KCNIP1: variants seen among roughly 807,000 people sequenced by gnomAD.
The protein encoded by KCNIP1 is A-type potassium channel modulatory protein KCNIP1.
KCNIP1 carries 18 observed loss-of-function variants against 33.0 expected under a neutral mutation model. The ratio of observed to expected loss-of-function variants is 0.55; its 90% CI spans 0.38 to 0.81. The LOEUF is 0.81. KCNIP1 is among the 30% of genes least tolerant of loss of function. The pLI, the probability that KCNIP1 is intolerant of heterozygous loss-of-function variation, is 0.00. For synonymous variants in KCNIP1, 93 were observed against 98.3 expected (o/e 0.95, Z 0.32); for missense variants, 238 against 271.6 (o/e 0.88, Z 0.87).
At chr5:170,392,642 G>A (rs1240418118) in intron 1 of KCNIP1, among the ~76,000 whole-genome samples, 1 of 152,196 alleles carries the variant, frequency 6.6e-6, no homozygotes, top group Middle Eastern at 3.2e-3. Context: ...GGCCAACATG[G>A]CGAAACCCCG....
At chr5:170,721,419 G>A (rs1763819693) in intron 3 of KCNIP1, among the ~76,000 whole-genome samples, 1 of 152,154 alleles carries the variant, frequency 6.6e-6, no homozygotes, top group Non-Finnish European at 1.5e-5. Context: ...GCTCAGAGAG[G>A]TCGTGCTTGA....
chr5:170,461,977 G>A (rs1756511993), intron 1 of KCNIP1, among the ~76,000 whole-genome samples: 1 of 152,042 alleles, frequency 6.6e-6, no homozygotes, highest in South Asian at 2.1e-4. Flanking sequence ...GATGGATCAA[G>A]GGCTTAAATC....
At chr5:170,690,475 T>C (rs971527822) in intron 1 of KCNIP1, among the ~76,000 whole-genome samples, 18 of 152,264 alleles carry the variant, frequency 1.2e-4, no homozygotes, top group African/African-American at 4.3e-4. Context: ...TTTCAGAGAA[T>C]ATCCCAAGAA....
chr5:170,555,653 G>C (rs1214064296), intron 1 of KCNIP1, among the ~76,000 whole-genome samples: 1 of 152,160 alleles, frequency 6.6e-6, no homozygotes, highest in Non-Finnish European at 1.5e-5. Flanking sequence ...GCCATGTCAG[G>C]AGCAAGTGCT....
intron 1 of KCNIP1, among the ~76,000 whole-genome samples, chr5:170,359,364 A>G (rs1763439815): frequency 6.6e-6 from 1 of 152,184 alleles, no homozygotes; most frequent in Non-Finnish European, 1.5e-5. Context: ...AAGCCTTCAC[A>G]CTGGGGACTT....
intron 1 of KCNIP1, among the ~76,000 whole-genome samples, chr5:170,508,897 C>G (rs902983487): frequency 6.6e-6 from 1 of 152,134 alleles, no homozygotes; most frequent in Non-Finnish European, 1.5e-5. Flanking sequence ...AGACAATCAA[C>G]GGAGGTGTTA....
At chr5:170,361,761 G>C (rs1002342673) in intron 1 of KCNIP1, among the ~76,000 whole-genome samples, 5 of 152,164 alleles carry the variant, frequency 3.3e-5, no homozygotes, top group Non-Finnish European at 7.3e-5. Flanking sequence ...GTATTCTGAC[G>C]TGGAGGAAAG....
At chr5:170,628,641 C>T (rs922970074) in intron 1 of KCNIP1, among the ~76,000 whole-genome samples, 1 of 152,192 alleles carries the variant, frequency 6.6e-6, no homozygotes, top group Non-Finnish European at 1.5e-5. Flanking sequence ...GCATGGGGTA[C>T]TCACTATGCC....
Position 170,489,066 on chromosome 5 carries a change from G to T in KCNIP1, c.88+135102G>T, listed in dbSNP as rs942239608. On this transcript the variant is annotated intron_variant, in intron 1 of 7. Coordinates refer to the KCNIP1 transcript ENST00000377360. The surrounding 1 kb of genome is among the most constrained non-coding windows in gnomAD (Gnocchi z 4.3). ...CAGAAGGAAGATTTCATTAGTGTTAGAGAGGAAGGATGTGCCTTCTCCCCC... is the reference window on the plus strand; with the variant it reads ...CAGAAGGAAGATTTCATTAGTGTTATAGAGGAAGGATGTGCCTTCTCCCCC... Among the ~76,000 whole-genome samples the T allele has an allele frequency of 7.9e-5, 12 of 151,360 alleles. No homozygotes were observed. The highest frequency in any genetic ancestry group is 1.3e-4 in the Admixed American group (2 of 15,228).
At chr5:170,722,629 G>C (rs1185259569) in intron 4 of KCNIP1, 84 bp from the exon 5 acceptor site, 10 of 897,340 alleles carry the variant, frequency 1.1e-5, no homozygotes, top group Non-Finnish European at 1.7e-5. Flanking sequence ...TTCTGTGAGA[G>C]TATCACAGTC....
At chr5:170,657,681 A>G (rs916970925) in intron 1 of KCNIP1, among the ~76,000 whole-genome samples, 1 of 152,228 alleles carries the variant, frequency 6.6e-6, no homozygotes, top group African/African-American at 2.4e-5. Context: ...TTGGTTAAAA[A>G]GAGTGAGACA....
chr5:170,388,728 G>C (rs1764588060), intron 1 of KCNIP1, among the ~76,000 whole-genome samples: 1 of 152,262 alleles, frequency 6.6e-6, no homozygotes, highest in East Asian at 1.9e-4. Context: ...TCAAATCCTG[G>C]CTCTGCCACT....
chr5:170,566,994 G>A (rs1240122014), intron 1 of KCNIP1, among the ~76,000 whole-genome samples: 1 of 152,144 alleles, frequency 6.6e-6, no homozygotes, highest in Non-Finnish European at 1.5e-5. Context: ...CTGTAGCTTA[G>A]GGACTGGGCA....
chr5:170,399,977 T>C (rs1328750244), intron 1 of KCNIP1, among the ~76,000 whole-genome samples: 3 of 152,182 alleles, frequency 2.0e-5, no homozygotes, highest in African/African-American at 4.8e-5. Flanking sequence ...TCTGGAAGCA[T>C]AGGATCTGAT....
At chr5:170,503,257 A>C (rs903387638), upstream of KCNIP1, among the ~76,000 whole-genome samples, 6 of 151,868 alleles carry the variant, frequency 4.0e-5, no homozygotes, top group African/African-American at 1.5e-4. Context: ...AGCTGGGCCT[A>C]GTGGTGGGCG....
In KCNIP1 at chr5:170,360,399, C is replaced by T. The variant is rs574748228; in HGVS notation, c.88+6435C>T. 6.6e-5 allele frequency among the ~76,000 whole-genome samples: 10 copies of T among 152,280 alleles called. No individual in the cohort carries two copies. The South Asian group carries it at 8.3e-4, about 13-fold the overall frequency. On this transcript the variant is annotated intron_variant, in intron 1 of 7. Coordinates refer to the KCNIP1 transcript ENST00000377360. ...TCCCCATCTTGAGTCTGTGTCCTTC[C>T]GTAAATGGGCCAGTAATTTCCATCT...
chr5:170,475,256 A>G (rs1210697703), intron 1 of KCNIP1, among the ~76,000 whole-genome samples: 1 of 151,944 alleles, frequency 6.6e-6, no homozygotes, highest in South Asian at 2.1e-4. Context: ...AGTGTGACCA[A>G]CCTCCAAGCT....
rs369523099 is a variant in KCNIP1, at chr5:170,722,696, C to G, written c.328-17C>G. 3 of 1,551,110 alleles carry G rather than the reference C, an allele frequency of 1.9e-6. No individual in the cohort carries two copies. Among genetic ancestry groups the G allele is most frequent in the Admixed American group, 3.3e-5 (2 of 59,918 alleles). On this transcript the variant is annotated splice_polypyrimidine_tract_variant and intron_variant, in intron 4 of 7. Coordinates refer to ENST00000328939, the MANE Select transcript of KCNIP1 (RefSeq NM_014592.4). ...TGGCTTGATGGTTAATGTCACTCTGCCTTTTCCCCTTCTCAGGACTTTGTA... is the reference window on the plus strand; with the variant it reads ...TGGCTTGATGGTTAATGTCACTCTGGCTTTTCCCCTTCTCAGGACTTTGTA...
intron 1 of KCNIP1, among the ~76,000 whole-genome samples, chr5:170,444,479 A>C (rs1047045382): frequency 6.6e-6 from 1 of 151,974 alleles, no homozygotes; most frequent in African/African-American, 2.4e-5. Context: ...CTGATTGACA[A>C]CCTTAATCCC....
Sources: gnomAD v4.1 joint callset for allele counts (sites outside exome capture counted in the v4.1 genomes callset) on GRCh38, gnomAD v4.1.1 for gene constraint, Gnocchi (gnomAD v3.1) non-coding constraint, MANE v1.5 for transcripts, NCBI Gene and HGNC (gene_info 2026-07-23, HGNC 2026-07-21) for gene names.